HS6ST3: variants seen among roughly 807,000 people sequenced by gnomAD.
HS6ST3 encodes heparan sulfate 6-O-sulfotransferase 3.
Under a neutral mutation model 36.7 loss-of-function variants are expected in HS6ST3, and 12 were observed. The observed-to-expected ratio is 0.33, with a 90% CI of 0.21 to 0.53. The LOEUF (loss-of-function observed/expected upper bound fraction) is 0.53, where lower values mean the gene tolerates loss of function less well. HS6ST3 is among the 20% of genes least tolerant of loss of function. The pLI, the probability that HS6ST3 is intolerant of heterozygous loss-of-function variation, is 0.95. For synonymous variants in HS6ST3, 240 were observed against 257.5 expected (o/e 0.93, Z 0.65); for missense variants, 584 against 640.9 (o/e 0.91, Z 0.96).
chr13:96,649,645 C>T (rs1217092466), intron 1 of HS6ST3, among the ~76,000 whole-genome samples: 1 of 152,088 alleles, frequency 6.6e-6, no homozygotes, highest in Non-Finnish European at 1.5e-5. Flanking sequence ...ACCTCCATTA[C>T]TGTATCCTGA....
intron 1 of HS6ST3, among the ~76,000 whole-genome samples, chr13:96,771,417 TAATTAAAAAA>T (rs1877261499): frequency 6.6e-6 from 1 of 152,084 alleles, no homozygotes; most frequent in Non-Finnish European, 1.5e-5. Flanking sequence ...ACTTAAAGTA[TAATTAAAAAA>T]AATTAAAAAG....
chr13:96,444,257 G>A (rs1314144702), intron 1 of HS6ST3, among the ~76,000 whole-genome samples: 2 of 152,156 alleles, frequency 1.3e-5, no homozygotes, highest in African/African-American at 4.8e-5. Flanking sequence ...GTTATATAAA[G>A]GGAAGCACCA....
intron 1 of HS6ST3, among the ~76,000 whole-genome samples, chr13:96,659,937 A>G (rs1180189792): frequency 1.3e-5 from 2 of 152,124 alleles, no homozygotes; most frequent in Admixed American, 6.5e-5. Flanking sequence ...TTATATTTTC[A>G]TGACAATAAA....
At chr13:96,748,090 T>A (rs1876607121) in intron 1 of HS6ST3, among the ~76,000 whole-genome samples, 1 of 152,128 alleles carries the variant, frequency 6.6e-6, no homozygotes, top group Non-Finnish European at 1.5e-5. Flanking sequence ...GTTTACTTCA[T>A]TCTTTGTTGT....
At chr13:96,594,531 A>G (rs2056394760) in intron 1 of HS6ST3, among the ~76,000 whole-genome samples, 2 of 152,132 alleles carry the variant, frequency 1.3e-5, no homozygotes, top group African/African-American at 2.4e-5. Context: ...TCTTGTAGCT[A>G]TAAAAGATTA....
chr13:96,350,828 A>G (rs1217277545), intron 1 of HS6ST3, among the ~76,000 whole-genome samples: 1 of 152,206 alleles, frequency 6.6e-6, no homozygotes, highest in African/African-American at 2.4e-5. Context: ...AAATCAATTT[A>G]TCAGTTACAG....
intron 1 of HS6ST3, among the ~76,000 whole-genome samples, chr13:96,643,515 C>T (rs570932324): frequency 4.5e-4 from 69 of 151,824 alleles, no homozygotes; most frequent in Non-Finnish European, 8.7e-4. Context: ...CAACTGTTAT[C>T]CACTGCTTCA....
intron 1 of HS6ST3, among the ~76,000 whole-genome samples, chr13:96,114,883 T>C (rs1336697108): frequency 2.0e-5 from 3 of 152,270 alleles, no homozygotes; most frequent in African/African-American, 7.2e-5. Context: ...ATGACTTCTT[T>C]AGTGCAAGGA....
intron 1 of HS6ST3, among the ~76,000 whole-genome samples, chr13:96,338,134 A>G (rs1296584431): frequency 2.0e-5 from 3 of 151,380 alleles, no homozygotes; most frequent in Non-Finnish European, 4.4e-5. Flanking sequence ...CATTTTGACT[A>G]CTTTGGTCCT....
intron 1 of HS6ST3, among the ~76,000 whole-genome samples, chr13:96,794,276 G>A (rs1877859386): frequency 2.0e-5 from 3 of 151,992 alleles, no homozygotes; most frequent in South Asian, 4.1e-4. Context: ...CACCTTCTAT[G>A]TGAAAATCTA....
At chr13:96,604,281 A>G (rs1202470940) in intron 1 of HS6ST3, among the ~76,000 whole-genome samples, 1 of 152,170 alleles carries the variant, frequency 6.6e-6, no homozygotes, top group African/African-American at 2.4e-5. Flanking sequence ...CATCATTTTT[A>G]CTGAGTGGAA....
chr13:96,818,293 C>T (rs114568304), intron 1 of HS6ST3, among the ~76,000 whole-genome samples: 63 of 152,328 alleles, frequency 4.1e-4, no homozygotes, highest in African/African-American at 1.5e-3. Flanking sequence ...GCCACTGCAG[C>T]TGAAAGATCC....
chr13:96,773,492 G>A (rs530805431), intron 1 of HS6ST3, among the ~76,000 whole-genome samples: 1 of 152,138 alleles, frequency 6.6e-6, no homozygotes, highest in Non-Finnish European at 1.5e-5. Flanking sequence ...TTGGTCCGGG[G>A]AGAGGCATCC....
In HS6ST3 at chr13:96,414,343, G is replaced by T. The variant is rs142627754; in HGVS notation, c.707+322774G>T. ...AATAATTGAATTTTAGAGTTTGAAG[G>T]GTTCTTAATATCATTAGTCTGACCT... On this transcript the variant is annotated intron_variant, in intron 1 of 1. Transcript: ENST00000376705. 8.1e-3 allele frequency among the ~76,000 whole-genome samples: 1,225 copies of T among 152,168 alleles called. 13 individuals carry two copies. Among genetic ancestry groups the T allele is most frequent in the East Asian group, 0.037 (192 of 5,176 alleles).
chr13:96,117,133 C>G (rs1420302867), intron 1 of HS6ST3, among the ~76,000 whole-genome samples: 1 of 152,154 alleles, frequency 6.6e-6, no homozygotes, highest in African/African-American at 2.4e-5. Context: ...TAATTCTCTT[C>G]CCTTTCACTC....
chr13:96,166,951 C>T (rs1486616405), intron 1 of HS6ST3, among the ~76,000 whole-genome samples: 2 of 152,110 alleles, frequency 1.3e-5, no homozygotes, highest in Non-Finnish European at 2.9e-5. Context: ...AGTGCTTCTC[C>T]TTGCTGCTGC....
intron 1 of HS6ST3, among the ~76,000 whole-genome samples, chr13:96,135,934 A>C (rs1217069845): frequency 6.6e-6 from 1 of 152,070 alleles, no homozygotes; most frequent in East Asian, 1.9e-4. Flanking sequence ...ACTTACCCCA[A>C]AAGAAAGGGC....
intron 1 of HS6ST3, among the ~76,000 whole-genome samples, chr13:96,449,786 A>T (rs2055718189): frequency 1.3e-5 from 2 of 152,238 alleles, no homozygotes; most frequent in Admixed American, 1.3e-4. Context: ...GCTTTTTATT[A>T]CAAGAGACTT....
chr13:96,116,402 A>G (rs1466645660), intron 1 of HS6ST3, among the ~76,000 whole-genome samples: 1 of 152,108 alleles, frequency 6.6e-6, no homozygotes. Flanking sequence ...AGGAGGGAAT[A>G]TGCTGGTGAT....
Sources: gnomAD v4.1 joint callset for allele counts (sites outside exome capture counted in the v4.1 genomes callset) on GRCh38, gnomAD v4.1.1 for gene constraint, MANE v1.5 for transcripts, NCBI Gene and HGNC (gene_info 2026-07-23, HGNC 2026-07-21) for gene names.